ADGRF5: variants seen among roughly 807,000 people sequenced by gnomAD.
The protein encoded by ADGRF5 is adhesion G protein-coupled receptor F5, also known as G-protein coupled receptor 116.
Under a neutral mutation model 132.3 loss-of-function variants are expected in ADGRF5, and 75 were observed. The observed-to-expected ratio is 0.57, with a 90% CI of 0.47 to 0.69. The LOEUF (loss-of-function observed/expected upper bound fraction) is 0.69. Among genes scored for constraint, ADGRF5 ranks in the 30% least tolerant of loss-of-function variants. The probability of loss-of-function intolerance (pLI) is 0.00; values close to 1 mark genes in which losing one functional copy is unlikely to be tolerated. For synonymous variants in ADGRF5, 629 were observed against 597.6 expected, an observed-to-expected ratio of 1.05 and a Z score of -0.77; for missense variants, 1,516 against 1,630.6, an observed-to-expected ratio of 0.93 and a Z score of 1.21.
chr6:46,906,653 T>C lies in ADGRF5; in HGVS notation c.102+8A>G. On this transcript the variant is annotated splice_region_variant and intron_variant, in intron 2 of 20. Coordinates refer to ENST00000283296, the MANE Select transcript of ADGRF5 (RefSeq NM_001098518.2). ...AGAAAAATTATAGCAGATATGGATA[T>C]AACTCACCAAAGGATGAATAGTAGA... 7.4e-7 allele frequency: 1 copy of C among 1,347,880 alleles called. No homozygotes were observed. Among genetic ancestry groups the C allele is most frequent in the East Asian group, 2.3e-5 (1 of 43,602 alleles). The allele number at this position is 1,347,880 out of a possible 1,614,324, so 83.5% of individuals were successfully genotyped here.
rs1769284175 is a variant in ADGRF5 at position 46,858,260 on chromosome 6, A to T, written c.3643T>A (p.Phe1215Ile). The change falls in exon 17 of 21, where the codon TTT becomes ATT. Residue 1215 changes from phenylalanine to isoleucine, a missense_variant. Phe to Ile is a conservative substitution (Grantham distance 21). Around this residue, in one of 2 missense-constraint regions of ADGRF5, gnomAD observed 571 missense variants for 701.2 expected, o/e 0.81. Coordinates refer to ENST00000283296, the MANE Select transcript of ADGRF5 (RefSeq NM_001098518.2). The part of the protein sequence containing the change: ...KPCKQEKSSL[F>I]QISKSIGVLT... ...ACCCCAATGCTCTTGCTGATCTGAA[A>T]CAGGCTGCTCTTCTCCTGCTTGCAT... 1 of 1,613,976 alleles carries T rather than the reference A, an allele frequency of 6.2e-7. No individual in the cohort carries two copies. The highest frequency in any genetic ancestry group is 1.3e-5 in the African/African-American group (1 of 74,974).
intron 17 of ADGRF5, 98 bp from the exon 18 acceptor site, chr6:46,857,006 T>C (rs867725592): frequency 1.1e-6 from 1 of 889,980 alleles, no homozygotes; most frequent in Non-Finnish European, 1.8e-6. Context: ...TTTGTACTAC[T>C]TCTTTTTCCT....
intron 2 of ADGRF5, among the ~76,000 whole-genome samples, 178 bp downstream of exon 2, chr6:46,906,483 G>A (rs2150896438): frequency 6.6e-6 from 1 of 152,208 alleles, no homozygotes; most frequent in Non-Finnish European, 1.5e-5. Flanking sequence ...ACTGACCTGA[G>A]TTTACATTCA....
chr6:46,892,290 T>C (rs1773728213), intron 3 of ADGRF5, among the ~76,000 whole-genome samples: 1 of 151,966 alleles, frequency 6.6e-6, no homozygotes, highest in Non-Finnish European at 1.5e-5. Context: ...TAAAGTACTA[T>C]TAAAAATATG....
At chr6:46,884,012 G>T in intron 5 of ADGRF5, 83 bp downstream of exon 5, 2 of 1,118,794 alleles carry the variant, frequency 1.8e-6, no homozygotes, top group Non-Finnish European at 1.3e-6. Context: ...AAAGTGCTGG[G>T]ATTACAGGCA....
intron 10 of ADGRF5, among the ~76,000 whole-genome samples, chr6:46,873,003 C>A (rs1771256413): frequency 6.6e-6 from 1 of 152,292 alleles, no homozygotes; most frequent in East Asian, 1.9e-4. Flanking sequence ...CCCTCTTTAT[C>A]TATCTTGACT....
chr6:46,896,904 T>C (rs1458762232), intron 3 of ADGRF5, among the ~76,000 whole-genome samples: 1 of 152,114 alleles, frequency 6.6e-6, no homozygotes, highest in South Asian at 2.1e-4. Flanking sequence ...AGCATTTACA[T>C]TGTACTAGGT....
rs1025302496 is a variant in ADGRF5, at chr6:46,936,235, C to A, written c.-25+18499G>T. On this transcript the variant is annotated intron_variant, in intron 1 of 20. Coordinates refer to the ADGRF5 transcript ENST00000265417. ...TCCAGAGCTGCCCCATGCCCAAGGC[C>A]TTCCTCCCTGGGATGGGGGCTGGCT... Among the ~76,000 whole-genome samples the A allele has an allele frequency of 2.6e-5, 4 of 152,286 alleles. No homozygotes were observed. In the East Asian group the frequency reaches 7.7e-4, roughly 29 times the overall value.
intron 1 of ADGRF5, among the ~76,000 whole-genome samples, chr6:46,910,865 G>A (rs933221391): frequency 1.3e-5 from 2 of 152,102 alleles, no homozygotes; most frequent in African/African-American, 2.4e-5. Context: ...TAAATCCAGG[G>A]ATTTGACTGC....
chr6:46,953,681 A>G (rs922897197), intron 1 of ADGRF5, among the ~76,000 whole-genome samples: 1 of 130,480 alleles, frequency 7.7e-6, no homozygotes, highest in Non-Finnish European at 1.6e-5. Context: ...ATATATATAT[A>G]TATATATATC....
At chr6:46,861,736 C>T (rs772295937) in intron 15 of ADGRF5, among the ~76,000 whole-genome samples, 2 of 152,148 alleles carry the variant, frequency 1.3e-5, no homozygotes, top group Non-Finnish European at 2.9e-5. Flanking sequence ...CAGTAAGTAT[C>T]CAGTAAGTAT....
Position 46,853,985 on chromosome 6 carries a change from C to T in ADGRF5, c.*7G>A. On this transcript the variant is annotated 3_prime_UTR_variant, in exon 21 of 21. Transcript: ENST00000283296. ...CGGGAGGTCACGTAGGTTGGATTAT[C>T]CTGTTCTTAGTTGAGCAACGAAGAA... The T allele has an allele frequency of 1.3e-6, 2 of 1,593,488 alleles. No homozygotes were observed. Among genetic ancestry groups the T allele is most frequent in the Non-Finnish European group, 1.7e-6 (2 of 1,168,082 alleles).
In ADGRF5 at chr6:46,907,614, A is replaced by T. The variant is rs186781330; in HGVS notation, c.-24-828T>A. Among the ~76,000 whole-genome samples the T allele has an allele frequency of 3.9e-5, 6 of 152,282 alleles. 1 individual carries two copies. The highest frequency in any genetic ancestry group is 3.3e-4 in the Admixed American group (5 of 15,294). ...TTTTTCACTTAAAAAGTAGGGTGTC[A>T]CACGGAATAACCTCCACCCTAGAAG... On this transcript the variant is annotated intron_variant, in intron 1 of 20. Coordinates refer to ENST00000283296, the MANE Select transcript of ADGRF5 (RefSeq NM_001098518.2).
chr6:46,898,207 G>A (rs1002482595), intron 3 of ADGRF5, among the ~76,000 whole-genome samples: 2 of 152,210 alleles, frequency 1.3e-5, no homozygotes, highest in Admixed American at 6.5e-5. Flanking sequence ...CAGAAGTGCA[G>A]GAAGACATTC....
chr6:46,953,649 G>GTATATATATATATATATATA (rs1408461844), intron 1 of ADGRF5, among the ~76,000 whole-genome samples: 6 of 91,504 alleles, frequency 6.6e-5, no homozygotes, highest in Non-Finnish European at 1.2e-4. Context: ...ATAGATATAT[G>GTATATATATATATATATATA]TGTATATATA....
chr6:46,855,846 C>T (rs539971541), intron 20 of ADGRF5, 128 bp downstream of exon 20: 1 of 666,322 alleles, frequency 1.5e-6, no homozygotes, highest in East Asian at 2.9e-5. Flanking sequence ...CTCTATTTAA[C>T]CTCTACCCCA....
chr6:46,875,323 G>A (rs1036044097), intron 10 of ADGRF5, among the ~76,000 whole-genome samples: 1 of 152,212 alleles, frequency 6.6e-6, no homozygotes, highest in African/African-American at 2.4e-5. Context: ...CAGCTAATAA[G>A]TTGGTACTTT....
intron 10 of ADGRF5, among the ~76,000 whole-genome samples, chr6:46,877,294 TCTCTCTCTC>T (rs1562174803): frequency 8.2e-5 from 5 of 60,818 alleles, no homozygotes; most frequent in Non-Finnish European, 1.3e-4. Context: ...TTTCTTTCTC[TCTCTCTCTC>T]TCTTTCCTTC....
At chr6:46,869,315 A>C (rs544208115) in intron 11 of ADGRF5, 8 of 1,400,496 alleles carry the variant, frequency 5.7e-6, no homozygotes, top group African/African-American at 4.4e-5. Context: ...ACTCATTTCC[A>C]TCACATGCCT....
Sources: gnomAD v4.1 joint callset for allele counts (sites outside exome capture counted in the v4.1 genomes callset) on GRCh38, gnomAD v4.1.1 for gene constraint, gnomAD v4.1.1 regional missense constraint, MANE v1.5 for transcripts, NCBI Gene and HGNC (gene_info 2026-07-23, HGNC 2026-07-21) for gene names.